CDH4: variants seen among roughly 807,000 people sequenced by gnomAD.
CDH4 encodes the protein cadherin-4.
In CDH4, 33 loss-of-function variants were observed where a neutral mutation model predicts 86.0. The observed-to-expected ratio is 0.38, with a 90% CI of 0.29 to 0.51. The LOEUF (loss-of-function observed/expected upper bound fraction) is 0.51. Ranked by LOEUF, CDH4 falls within the 20% of genes least tolerant of loss-of-function variation. CDH4 has a pLI of 0.86. For missense variants in CDH4, 1,114 were observed against 1,307.4 expected, an observed-to-expected ratio of 0.85 and a Z score of 2.28; for synonymous variants, 555 against 549.4, an observed-to-expected ratio of 1.01 and a Z score of -0.14.
chr20:61,692,005 G>A (rs544635132), intron 2 of CDH4, among the ~76,000 whole-genome samples: 4 of 152,324 alleles, frequency 2.6e-5, no homozygotes, highest in African/African-American at 9.6e-5. Flanking sequence ...TGCCAAGGAC[G>A]TAAAATTCTT....
chr20:61,759,568 C>T (rs550273180), intron 3 of CDH4, among the ~76,000 whole-genome samples: 2 of 152,306 alleles, frequency 1.3e-5, no homozygotes, highest in East Asian at 3.9e-4. Flanking sequence ...CTCACTAATG[C>T]ACAAAATATG....
chr20:61,282,696 C>A (rs12626084), intron 2 of CDH4, among the ~76,000 whole-genome samples: 1 of 152,088 alleles, frequency 6.6e-6, no homozygotes, highest in African/African-American at 2.4e-5. Flanking sequence ...GTGGGATGTT[C>A]AGATGTGCAT....
intron 2 of CDH4, among the ~76,000 whole-genome samples, chr20:61,355,892 G>A (rs544490901): frequency 6.6e-6 from 1 of 152,220 alleles, no homozygotes; most frequent in African/African-American, 2.4e-5. Context: ...TCCACAGCCT[G>A]TTAGGGCATG....
At chr20:61,534,235 A>G (rs909271849) in intron 2 of CDH4, among the ~76,000 whole-genome samples, 7 of 152,202 alleles carry the variant, frequency 4.6e-5, no homozygotes, top group Non-Finnish European at 1.5e-5. Context: ...GGCTTAAAAT[A>G]TGATTGAGAG....
intron 2 of CDH4, among the ~76,000 whole-genome samples, chr20:61,731,971 T>C (rs1349448091): frequency 2.0e-5 from 3 of 151,922 alleles, no homozygotes; most frequent in African/African-American, 7.2e-5. Flanking sequence ...GAGATTCTCC[T>C]TCATCAAGAA....
chr20:61,899,016 G>T (rs984776697), intron 8 of CDH4, among the ~76,000 whole-genome samples: 1 of 152,152 alleles, frequency 6.6e-6, no homozygotes, highest in African/African-American at 2.4e-5. Context: ...AAGAGGGAGG[G>T]CCGGGCGCAG....
intron 8 of CDH4, among the ~76,000 whole-genome samples, chr20:61,895,964 C>T (rs941132285): frequency 6.6e-6 from 1 of 152,194 alleles, no homozygotes; most frequent in Admixed American, 6.5e-5. Flanking sequence ...AGGGGAGAGT[C>T]AGCGAGGGCT....
At chr20:61,872,989 G>A (rs1365859817) in intron 6 of CDH4, among the ~76,000 whole-genome samples, 1 of 152,240 alleles carries the variant, frequency 6.6e-6, no homozygotes, top group Non-Finnish European at 1.5e-5. Context: ...AGGCTGCACA[G>A]CCAAAGAAAA....
intron 7 of CDH4, among the ~76,000 whole-genome samples, chr20:61,881,751 C>G (rs570061667): frequency 1.6e-4 from 24 of 152,326 alleles, no homozygotes; most frequent in African/African-American, 5.8e-4. Context: ...GGCCACTGGC[C>G]CAGCCACAGA....
chr20:61,273,768 C>G (rs2084202728), intron 2 of CDH4, among the ~76,000 whole-genome samples: 2 of 140,614 alleles, frequency 1.4e-5, no homozygotes, highest in South Asian at 4.6e-4. Context: ...GTACTGTGCA[C>G]AGTTTGGAGG....
At chr20:61,843,043 T>C (rs1319604054) in intron 4 of CDH4, among the ~76,000 whole-genome samples, 1 of 152,248 alleles carries the variant, frequency 6.6e-6, no homozygotes, top group Non-Finnish European at 1.5e-5. Context: ...TTTTCAGTTT[T>C]GTTATTAACT....
At position 61,594,177 on chromosome 20, in the gene CDH4, G is replaced by T. The variant is rs1164120993; in HGVS notation, c.170-149386G>T. Among the ~76,000 whole-genome samples the T allele has an allele frequency of 1.5e-4, 17 of 110,666 alleles. 1 individual carries two copies. The highest frequency in any genetic ancestry group is 4.4e-4 in the Admixed American group (5 of 11,448). The allele number at this position is 110,666 out of a possible 152,430, so 72.6% of individuals were successfully genotyped here. On this transcript the variant is annotated intron_variant, in intron 2 of 15. Coordinates refer to ENST00000614565, the MANE Select transcript of CDH4 (RefSeq NM_001794.5). The stretch of plus-strand genomic sequence containing the variant: ...AGGGTTGGGGAAAGAGGGGGGAAAG[G>T]GGGTGGGGGACTGACCTGAGCAGGG...
At chr20:61,704,361 T>C (rs1027952992) in intron 2 of CDH4, among the ~76,000 whole-genome samples, 1 of 152,130 alleles carries the variant, frequency 6.6e-6, no homozygotes, top group Admixed American at 6.5e-5. Context: ...CTGATCCAGG[T>C]CACTCGGGAG....
intron 2 of CDH4, among the ~76,000 whole-genome samples, chr20:61,617,685 C>G (rs1266609134): frequency 6.6e-6 from 1 of 152,172 alleles, no homozygotes; most frequent in Non-Finnish European, 1.5e-5. Context: ...GCACAATCCT[C>G]CAAGAATCAG....
At chr20:61,411,120 T>TTCCATCCATCCATCCA (rs11473075) in intron 2 of CDH4, among the ~76,000 whole-genome samples, 2 of 146,800 alleles carry the variant, frequency 1.4e-5, no homozygotes, top group Admixed American at 1.4e-4. Flanking sequence ...CCGTCTTTCC[T>TTCCATCCATCCATCCA]TCCATCCATC....
At chr20:61,422,424 CAAAAAAAAAAAAAAAAAAAAAAAAAAA>C (rs869235928) in intron 2 of CDH4, among the ~76,000 whole-genome samples, 259 of 22,262 alleles carry the variant, frequency 0.012, 4 homozygotes, top group Non-Finnish European at 0.017. Flanking sequence ...AACTCCGTCT[CAAAAAAAAAAAAAAAAAAAAAAAAAAA>C]AAAAAAAAAA....
intron 13 of CDH4, among the ~76,000 whole-genome samples, chr20:61,931,253 C>T (rs1400549336): frequency 1.3e-5 from 2 of 152,258 alleles, no homozygotes; most frequent in Non-Finnish European, 2.9e-5. Context: ...GGCCCGGGCT[C>T]CAGGCTCCAG....
chr20:61,777,646 A>G (rs58087524), intron 4 of CDH4, among the ~76,000 whole-genome samples: 48,519 of 109,808 alleles, frequency 0.44, 10,545 homozygotes, highest in East Asian at 0.58. Context: ...ACGTCTACAC[A>G]CGCACACACG....
At chr20:61,620,166 A>AGGGACGGATGGGTGGGTGGG (rs1247144657) in intron 2 of CDH4, among the ~76,000 whole-genome samples, 1 of 97,970 alleles carries the variant, frequency 1.0e-5, no homozygotes, top group Non-Finnish European at 2.0e-5. Flanking sequence ...GGATGGATGG[A>AGGGACGGATGGGTGGGTGGG]TGGATGGATG....
Sources: allele counts gnomAD v4.1 joint callset (sites outside exome capture counted in the v4.1 genomes callset), GRCh38; gene constraint gnomAD v4.1.1; transcripts MANE v1.5; gene names NCBI Gene and HGNC (gene_info 2026-07-23, HGNC 2026-07-21).